Variants in PPARG observed in about 807,000 individuals in gnomAD.
PPARG encodes the protein peroxisome proliferator-activated receptor gamma.
A neutral mutation model predicts 39.2 loss-of-function variants in PPARG; 17 were observed. That is an observed-to-expected ratio of 0.43 (90% confidence interval 0.30 to 0.65). The LOEUF is 0.65. PPARG is among the 30% of genes least tolerant of loss of function. The pLI is 0.13. For missense variants in PPARG, 406 were observed against 585.9 expected (o/e 0.69, Z 3.17); for synonymous variants, 223 against 215.7 (o/e 1.03, Z -0.30).
At chr3:12,431,825 A>T (rs1177229514) in intron 7 of PPARG, among the ~76,000 whole-genome samples, 32 of 152,154 alleles carry the variant, frequency 2.1e-4, no homozygotes, top group Non-Finnish European at 1.2e-4. Flanking sequence ...CTATAGTCCC[A>T]GCTACTTGGG....
At chr3:12,303,543 T>G (rs1195844985) in intron 1 of PPARG, among the ~76,000 whole-genome samples, 2 of 152,172 alleles carry the variant, frequency 1.3e-5, no homozygotes, top group Non-Finnish European at 2.9e-5. Flanking sequence ...TTCCACCCCT[T>G]GTGCTAGACA....
In PPARG at chr3:12,416,775, C is replaced by A. The variant is rs13306747; in HGVS notation, c.801C>A (p.Pro267=). The A allele has an allele frequency of 4.3e-6, 7 of 1,613,928 alleles. No individual in the cohort carries two copies. The highest frequency in any genetic ancestry group is 2.7e-5 in the African/African-American group (2 of 74,912). The change falls in exon 7 of 8, where the codon CCC becomes CCA. Residue 267 remains proline, a synonymous_variant. Transcript: ENST00000651735. The stretch of plus-strand genomic sequence containing the variant: ...AAATCAAGTTCAAACACATCACCCC[C>A]CTGCAGGAGCAGAGCAAAGAGGTGG... The part of the protein sequence containing the change: ...EDKIKFKHIT[P]LQEQSKEVAI...
intron 2 of PPARG, among the ~76,000 whole-genome samples, chr3:12,324,137 C>T (rs190331195): frequency 2.6e-5 from 4 of 152,030 alleles, no homozygotes; most frequent in Non-Finnish European, 5.9e-5. Context: ...AAATTAGCCA[C>T]GTGTGTTGGC....
At position 12,379,770 on chromosome 3, in the gene PPARG, T is replaced by C. The variant is rs1235373823; in HGVS notation, c.59T>C (p.Leu20Pro). ...AACTTTGGGATCAGCTCCGTGGATC[T>C]CTCCGTAATGGAAGACCACTCCCAC... ...PTNFGISSVD[L>P]SVMEDHSHSF... The change falls in exon 3 of 8, where the codon CTC becomes CCC. Residue 20 changes from leucine to proline, a missense_variant. By Grantham distance (98) the Leu-to-Pro change is moderately conservative. Around this residue, in one of 2 missense-constraint regions of PPARG, gnomAD observed 131 missense variants for 127.9 expected, o/e 1.02. Transcript: ENST00000651735. 6.2e-7 allele frequency: 1 copy of C among 1,613,908 alleles called. No individual in the cohort carries two copies. The highest frequency in any genetic ancestry group is 1.3e-5 in the African/African-American group (1 of 74,924).
chr3:12,296,497 G>T (rs1403045265), intron 1 of PPARG, among the ~76,000 whole-genome samples: 1 of 152,074 alleles, frequency 6.6e-6, no homozygotes, highest in Admixed American at 6.6e-5. Context: ...GGGCCCATTT[G>T]TCAGTGTGCT....
intron 2 of PPARG, among the ~76,000 whole-genome samples, chr3:12,331,145 C>G (rs1374252097): frequency 6.6e-6 from 1 of 151,444 alleles, no homozygotes; most frequent in African/African-American, 2.4e-5. Context: ...ATGATTCTGT[C>G]TTCATTAAGT....
intron 1 of PPARG, among the ~76,000 whole-genome samples, chr3:12,309,474 C>G (rs7617488): frequency 6.6e-6 from 1 of 151,950 alleles, no homozygotes; most frequent in Admixed American, 6.5e-5. Flanking sequence ...TATTTAAAAT[C>G]AATATTGATA....
chr3:12,374,152 A>G (rs1341638920), intron 2 of PPARG, among the ~76,000 whole-genome samples: 1 of 152,208 alleles, frequency 6.6e-6, no homozygotes, highest in Non-Finnish European at 1.5e-5. Flanking sequence ...CTTTTCCACC[A>G]GTATGCCCTT....
At chr3:12,371,837 C>T (rs768076435) in intron 2 of PPARG, 2 of 676,748 alleles carry the variant, frequency 3.0e-6, no homozygotes, top group Non-Finnish European at 2.7e-6. Flanking sequence ...TCAAAACAGC[C>T]TTTTCTGCTG....
chr3:12,425,701 T>G (rs2051418679), intron 7 of PPARG, among the ~76,000 whole-genome samples: 1 of 152,040 alleles, frequency 6.6e-6, no homozygotes, highest in Admixed American at 6.5e-5. Context: ...TGTACGTACA[T>G]CACTAGGCTT....
In PPARG at chr3:12,433,837, CG is replaced by C. The variant is rs1027143428; in HGVS notation, c.1181-57del. The C allele has an allele frequency of 2.5e-6, 4 of 1,611,056 alleles. No individual in the cohort carries two copies. In the African/African-American group the frequency reaches 5.3e-5, roughly 22 times the overall value. ...GGTAGAGCTGCCTAGGCCTCCAAGG[CG>C]GGGCCCAGAGGATTTTTTGACTGAA... On this transcript the variant is annotated intron_variant, in intron 7 of 7. Coordinates refer to ENST00000651735, the MANE Select transcript of PPARG (RefSeq NM_138711.6).
chr3:12,407,292 C>T (rs1182370162), intron 6 of PPARG, among the ~76,000 whole-genome samples: 4 of 152,158 alleles, frequency 2.6e-5, no homozygotes, highest in Non-Finnish European at 5.9e-5. Context: ...TCCCGAGTAG[C>T]TGGGATTGCA....
intron 5 of PPARG, among the ~76,000 whole-genome samples, chr3:12,398,291 G>T (rs1295629521): frequency 6.6e-6 from 1 of 152,148 alleles, no homozygotes; most frequent in African/African-American, 2.4e-5. Context: ...AGGAAATTGA[G>T]AGAAATATCA....
chr3:12,384,916 G>T (rs955906642), intron 4 of PPARG, among the ~76,000 whole-genome samples: 7 of 152,060 alleles, frequency 4.6e-5, no homozygotes, highest in South Asian at 2.1e-4. Context: ...TCTCTTTGGG[G>T]TCTTCTATAA....
intron 2 of PPARG, among the ~76,000 whole-genome samples, chr3:12,343,440 C>T (rs372210342): frequency 1.1e-3 from 172 of 152,216 alleles, no homozygotes; most frequent in African/African-American, 3.9e-3. Context: ...GGTTTAAATC[C>T]CTTCTCTGCC....
chr3:12,414,937 T>C (rs1219020368), intron 6 of PPARG, among the ~76,000 whole-genome samples: 1 of 152,162 alleles, frequency 6.6e-6, no homozygotes, highest in African/African-American at 2.4e-5. Context: ...ACGTACAAGT[T>C]TGGAAATATA....
intron 1 of PPARG, among the ~76,000 whole-genome samples, chr3:12,293,865 T>C (rs1454556440): frequency 6.6e-6 from 1 of 152,210 alleles, no homozygotes; most frequent in Non-Finnish European, 1.5e-5. Context: ...GGAAGGAACT[T>C]CCTAACCTTG....
intron 1 of PPARG, among the ~76,000 whole-genome samples, chr3:12,290,857 C>G (rs553259005): frequency 3.2e-4 from 49 of 152,230 alleles, no homozygotes; most frequent in East Asian, 3.9e-4. Context: ...TTATTAATAA[C>G]AAGAGGCTTT....
At chr3:12,410,819 A>G (rs553981507) in intron 6 of PPARG, among the ~76,000 whole-genome samples, 36 of 152,336 alleles carry the variant, frequency 2.4e-4, no homozygotes, top group Admixed American at 1.6e-3. Flanking sequence ...ACTCAAAGCT[A>G]TTGGAAAGAT....
Sources: gnomAD v4.1 joint callset for allele counts (sites outside exome capture counted in the v4.1 genomes callset) on GRCh38, gnomAD v4.1.1 for gene constraint, gnomAD v4.1.1 regional missense constraint, MANE v1.5 for transcripts, NCBI Gene and HGNC (gene_info 2026-07-23, HGNC 2026-07-21) for gene names.